Variants in ABI1 observed in about 807,000 individuals in gnomAD.
ABI1 encodes the protein abl interactor 1, also known as Abelson interactor 1.
In ABI1, 14 loss-of-function variants were observed where a neutral mutation model predicts 54.6. That is an observed-to-expected ratio of 0.26 (90% CI 0.17 to 0.40). ABI1 has a LOEUF of 0.40. ABI1 is among the 10% of genes least tolerant of loss of function. ABI1 has a pLI of 1.00. For synonymous variants in ABI1, 194 were observed against 209.3 expected, an observed-to-expected ratio of 0.93 and a Z score of 0.63; for missense variants, 443 against 598.3, an observed-to-expected ratio of 0.74 and a Z score of 2.71.
rs1313831294 is a variant in ABI1 at position 26,824,192 on chromosome 10, A to T, written c.118-887T>A. ...TGTTCAACCTCACTCATTATAGGAA[A>T]GAAATGCAAGTGCAAACCAATATGA... On this transcript the variant is annotated intron_variant, in intron 1 of 10. Transcript: ENST00000376140. Among the ~76,000 whole-genome samples, 4 of 152,248 alleles carry T rather than the reference A, an allele frequency of 2.6e-5. No homozygotes were observed. In the East Asian group the frequency reaches 7.7e-4, roughly 29 times the overall value.
intron 1 of ABI1, among the ~76,000 whole-genome samples, chr10:26,841,242 A>G (rs1290883713): frequency 6.6e-6 from 1 of 152,170 alleles, no homozygotes; most frequent in East Asian, 1.9e-4. Flanking sequence ...GTGAGCTTTT[A>G]TTCTTTTTAT....
chr10:26,839,842 A>G, intron 1 of ABI1: 1 of 693,590 alleles, frequency 1.4e-6, no homozygotes, highest in Non-Finnish European at 2.6e-6. Flanking sequence ...GATGGTAAAG[A>G]TGGCAAAAAT....
At chr10:26,753,782 TAA>T (rs1837928366) in intron 9 of ABI1, among the ~76,000 whole-genome samples, 1 of 152,100 alleles carries the variant, frequency 6.6e-6, no homozygotes, top group African/African-American at 2.4e-5. Flanking sequence ...AGAAACCAAA[TAA>T]AGTTAGGGAA....
At chr10:26,855,892 A>G (rs999248850) in intron 1 of ABI1, among the ~76,000 whole-genome samples, 1 of 147,162 alleles carries the variant, frequency 6.8e-6, no homozygotes, top group African/African-American at 2.5e-5. Flanking sequence ...AATCACTTGA[A>G]CCCAGGAGGC....
rs1837209506 is a variant in ABI1, at chr10:26,748,670, A to G, written c.1346T>C (p.Ile449Thr). The G allele has an allele frequency of 6.2e-7, 1 of 1,613,450 alleles. No homozygotes were observed. Among genetic ancestry groups the G allele is most frequent in the Non-Finnish European group, 8.5e-7 (1 of 1,179,600 alleles). The change falls in exon 11 of 11, where the codon ATA becomes ACA. Residue 449 changes from isoleucine (I) to threonine (T), a missense_variant. Physicochemically the swap from Ile to Thr is moderately conservative, Grantham distance 89. Transcript: ENST00000376140. ...SFMEGAIIYV[I>T]KKNDDGWYEG... The stretch of plus-strand genomic sequence containing the variant: ...ATACCAGCCATCATCATTCTTCTTT[A>G]TAACATAAATGATTGCACCCTCCAT...
intron 1 of ABI1, among the ~76,000 whole-genome samples, chr10:26,843,295 A>T (rs1290466527): frequency 6.6e-6 from 1 of 150,606 alleles, no homozygotes; most frequent in Non-Finnish European, 1.5e-5. Flanking sequence ...TCCACTAAAA[A>T]ATACAAAATT....
intron 2 of ABI1, among the ~76,000 whole-genome samples, chr10:26,795,479 T>C (rs72629728): frequency 0.022 from 3,400 of 152,246 alleles, 227 homozygotes; most frequent in East Asian, 0.2. Flanking sequence ...GCAAATGACA[T>C]GTTCCTAAAT....
At chr10:26,834,824 C>T (rs1050970255) in intron 1 of ABI1, among the ~76,000 whole-genome samples, 6 of 151,644 alleles carry the variant, frequency 4.0e-5, no homozygotes, top group Non-Finnish European at 5.9e-5. Flanking sequence ...AAAATTAAGC[C>T]GGGCACAGTA....
chr10:26,847,964 G>A (rs550690609), intron 1 of ABI1, among the ~76,000 whole-genome samples: 47 of 152,016 alleles, frequency 3.1e-4, no homozygotes, highest in East Asian at 7.8e-4. Context: ...TTGGGAGGCC[G>A]AGTCAGGAGG....
chr10:26,790,931 C>T (rs908795727), intron 2 of ABI1, among the ~76,000 whole-genome samples: 2 of 151,862 alleles, frequency 1.3e-5, no homozygotes, highest in Non-Finnish European at 2.9e-5. Context: ...ATTTGCTGGG[C>T]ATGGTGGCAC....
chr10:26,808,584 A>G (rs1046754973), intron 2 of ABI1, among the ~76,000 whole-genome samples: 1 of 151,826 alleles, frequency 6.6e-6, no homozygotes, highest in East Asian at 1.9e-4. Context: ...TTAGCCGGGC[A>G]TGGTGGCACG....
Position 26,757,983 on chromosome 10 carries a change from G to A in ABI1, c.997+1079C>T, listed in dbSNP as rs575837833. On this transcript the variant is annotated intron_variant, in intron 8 of 10. Transcript: ENST00000376140. Reference sequence around the variant, plus strand: ...CTCAGGTGGCTGAGGCAGGAGAATCGCTTGATCCTGGGAGGGTGAGGTTGC... The same window carrying A: ...CTCAGGTGGCTGAGGCAGGAGAATCACTTGATCCTGGGAGGGTGAGGTTGC... Among the ~76,000 whole-genome samples, 191 of 146,318 alleles carry A rather than the reference G, an allele frequency of 1.3e-3. 1 individual carries two copies. The highest frequency in any genetic ancestry group is 3.0e-3 in the South Asian group (14 of 4,656).
intron 2 of ABI1, among the ~76,000 whole-genome samples, chr10:26,788,773 G>T (rs1190457876): frequency 6.6e-6 from 1 of 151,926 alleles, no homozygotes. Context: ...TTAGCTGGGC[G>T]TGGTTGGCGG....
Position 26,783,858 on chromosome 10 carries a change from A to G in ABI1, c.286-6617T>C, listed in dbSNP as rs571341610. 2.6e-5 allele frequency among the ~76,000 whole-genome samples: 4 copies of G among 152,316 alleles called. No homozygotes were observed. In the South Asian group the frequency reaches 8.3e-4, roughly 32 times the overall value. Reference sequence around the variant, plus strand: ...GCTCATGTGGACAAAAGTAGGAGACATAAAAGGGTCTCTGTAAGTTTAATA... The same window carrying G: ...GCTCATGTGGACAAAAGTAGGAGACGTAAAAGGGTCTCTGTAAGTTTAATA... On this transcript the variant is annotated intron_variant, in intron 2 of 10. Transcript: ENST00000376140.
chr10:26,763,265 G>A (rs1322121464), intron 7 of ABI1, among the ~76,000 whole-genome samples: 9 of 152,140 alleles, frequency 5.9e-5, no homozygotes, highest in Non-Finnish European at 1.3e-4. Flanking sequence ...AGATTACTGT[G>A]ATTGTGTATT....
chr10:26,810,855 C>A (rs1266790612), intron 2 of ABI1, among the ~76,000 whole-genome samples: 1 of 150,042 alleles, frequency 6.7e-6, no homozygotes, highest in African/African-American at 2.5e-5. Context: ...TATATTTTAG[C>A]CAAAATGTGT....
chr10:26,857,884 T>C (rs1388447756), intron 1 of ABI1, among the ~76,000 whole-genome samples: 2 of 151,594 alleles, frequency 1.3e-5, no homozygotes, highest in African/African-American at 4.8e-5. Flanking sequence ...AAAACTGTCC[T>C]TTTTAATGTA....
At chr10:26,788,912 CAAAAAAAAAAA>C (rs56220406) in intron 2 of ABI1, 82 of 52,020 alleles carry the variant, frequency 1.6e-3, no homozygotes, top group African/African-American at 6.0e-3. Flanking sequence ...GACTCCGTCT[CAAAAAAAAAAA>C]AAAAAAAAAA....
intron 1 of ABI1, among the ~76,000 whole-genome samples, chr10:26,826,291 G>A (rs1049152469): frequency 6.6e-6 from 1 of 152,194 alleles, no homozygotes; most frequent in Non-Finnish European, 1.5e-5. Flanking sequence ...ATGACTAGGT[G>A]CACTGTCAAT....
Sources: gnomAD v4.1 joint callset for allele counts (sites outside exome capture counted in the v4.1 genomes callset) on GRCh38, gnomAD v4.1.1 for gene constraint, MANE v1.5 for transcripts, NCBI Gene and HGNC (gene_info 2026-07-23, HGNC 2026-07-21) for gene names.